The following KNL1 variants were observed in gnomAD, a reference collection of about 807,000 sequenced individuals.
KNL1 encodes the protein kinetochore scaffold 1.
Under a neutral mutation model 201.3 loss-of-function variants are expected in KNL1, and 66 were observed. The ratio of observed to expected loss-of-function variants is 0.33; its 90% CI spans 0.27 to 0.40. The LOEUF is 0.40. Among genes scored for constraint, KNL1 ranks in the 10% least tolerant of loss-of-function variants. KNL1 has a pLI of 1.00. For missense variants in KNL1, 2,815 were observed against 2,690.5 expected (o/e 1.05, Z -1.02); for synonymous variants, 895 against 899.2 (o/e 1.00, Z 0.08).
In KNL1 at chr15:40,624,214, G is replaced by C; in HGVS notation, c.3950G>C (p.Gly1317Ala). ...ATTTCCTGTACTGATAATTTGGAGG[G>C]TAGTGCCATGCTCTTATGTGATAAA... Reference protein sequence around the residue: ...NVISCTDNLEGSAMLLCDKDE... With the variant: ...NVISCTDNLEASAMLLCDKDE... The change falls in exon 10 of 26, where the codon GGT becomes GCT. Residue 1317 changes from glycine to alanine, a missense_variant. Transcript: ENST00000399668. 1 of 1,613,858 alleles carries C rather than the reference G, an allele frequency of 6.2e-7. No individual in the cohort carries two copies. The highest frequency in any genetic ancestry group is 8.5e-7 in the Non-Finnish European group (1 of 1,179,900).
At chr15:40,610,174 A>ACT in intron 5 of KNL1, 71 bp from the exon 6 acceptor site, 2 of 840,920 alleles carry the variant, frequency 2.4e-6, no homozygotes, top group Non-Finnish European at 4.0e-6. Context: ...CTCAACACAG[A>ACT]CTATAAATCA....
Position 40,621,629 on chromosome 15 carries a change from T to A in KNL1, c.1365T>A (p.His455Gln). The change falls in exon 10 of 26, where the codon CAT becomes CAA. Residue 455 changes from histidine to glutamine, a missense_variant. Physicochemically the swap from His to Gln is conservative, Grantham distance 24. Around this residue, in one of 3 missense-constraint regions of KNL1, gnomAD observed 2,464 missense variants for 2,291.7 expected, o/e 1.08. Coordinates refer to ENST00000399668, the MANE Select transcript of KNL1 (RefSeq NM_144508.5). ...NMREEKNLLK[H>Q]DSNYAKMYCN... is the part of the protein sequence containing the mutation. Reference sequence around the variant, plus strand: ...GAGAGGAGAAAAATTTGCTAAAGCATGACAGTAATTATGCTAAAATGTATT... The same window carrying A: ...GAGAGGAGAAAAATTTGCTAAAGCAAGACAGTAATTATGCTAAAATGTATT... The A allele has an allele frequency of 6.2e-7, 1 of 1,612,442 alleles. No homozygotes were observed. Among genetic ancestry groups the A allele is most frequent in the Non-Finnish European group, 8.5e-7 (1 of 1,179,200 alleles).
At chr15:40,640,153 G>A (rs935015881) in intron 13 of KNL1, among the ~76,000 whole-genome samples, 6 of 144,160 alleles carry the variant, frequency 4.2e-5, no homozygotes, top group Admixed American at 3.6e-4. Flanking sequence ...CTGGAGTGCA[G>A]TGGCGCAATC....
rs1427719100 is a variant in KNL1 at position 40,622,052 on chromosome 15, G to A, written c.1788G>A (p.Glu596=). ...VPLAAYNLAP[E]STSESHSQSK... ...TTGCAGCTTATAATCTAGCACCGGA[G>A]AGTACCAGTGAATCTCACTCTCAGA... Residue 596 remains glutamate, a synonymous_variant, in exon 10 of 26, where the codon GAG becomes GAA. Coordinates refer to ENST00000399668, the MANE Select transcript of KNL1 (RefSeq NM_144508.5). 1 of 1,613,966 alleles carries A rather than the reference G, an allele frequency of 6.2e-7. No homozygotes were observed. The highest frequency in any genetic ancestry group is 8.5e-7 in the Non-Finnish European group (1 of 1,179,908).
intron 12 of KNL1, 132 bp downstream of exon 12, chr15:40,628,810 CTACTT>C (rs1892823523): frequency 5.7e-6 from 3 of 526,100 alleles, no homozygotes; most frequent in Admixed American, 3.4e-5. Context: ...ATACAGAAGA[CTACTT>C]TTCTTTGTTA....
rs71104706 is a variant in KNL1, at chr15:40,617,975, T to TAAA, written c.323-947_323-945dup. On this transcript the variant is annotated intron_variant, in intron 8 of 25. Transcript: ENST00000399668. ...CCTGAAATATAAATAAGGCTTTTAGTAAAAAAAAAAAAAAAAAAAAAAAAA... is the reference window on the plus strand; with the variant it reads ...CCTGAAATATAAATAAGGCTTTTAGTAAAAAAAAAAAAAAAAAAAAAAAAAAAA... 1.5e-4 allele frequency among the ~76,000 whole-genome samples: 7 copies of TAAA among 47,214 alleles called. 1 individual carries two copies. Among genetic ancestry groups the TAAA allele is most frequent in the East Asian group, 8.2e-4 (1 of 1,226 alleles). The allele number at this position is 47,214 out of a possible 152,430, so 31.0% of individuals were successfully genotyped here.
intron 20 of KNL1, 59 bp from the exon 21 acceptor site, chr15:40,651,946 G>A (rs866555756): frequency 1.8e-5 from 21 of 1,188,946 alleles, no homozygotes; most frequent in Middle Eastern, 1.9e-4. Flanking sequence ...GGTATCAGAA[G>A]TTCTCTTTTA....
Position 40,628,653 on chromosome 15 carries a change from C to G in KNL1, c.5558C>G (p.Thr1853Ser). 4 of 1,601,160 alleles carry G rather than the reference C, an allele frequency of 2.5e-6. No individual in the cohort carries two copies. In the South Asian group the frequency reaches 4.5e-5, roughly 18 times the overall value. The change falls in exon 12 of 26, where the codon ACT becomes AGT. Residue 1853 changes from threonine to serine, a missense_variant. Physicochemically the swap from Thr to Ser is moderately conservative, Grantham distance 58 (BLOSUM62 1). Coordinates refer to ENST00000399668, the MANE Select transcript of KNL1 (RefSeq NM_144508.5). ...SQMESQFLRD[T>S]ICEESLREKL... ...ATGGAATCACAGTTTCTCAGAGATA[C>G]TATTTGTGAAGAGAGCTTGAGGGAG...
chr15:40,660,853 A>C (rs1893887665), intron 25 of KNL1, among the ~76,000 whole-genome samples: 1 of 151,562 alleles, frequency 6.6e-6, no homozygotes, highest in African/African-American at 2.4e-5. Flanking sequence ...GTCCCAGCTA[A>C]TCTTGAGGCT....
intron 13 of KNL1, among the ~76,000 whole-genome samples, chr15:40,637,175 CT>C (rs35738751): frequency 9.9e-4 from 136 of 137,308 alleles, no homozygotes; most frequent in East Asian, 1.7e-3. Flanking sequence ...TTTTTTCTTT[CT>C]TTTTTTTTTT....
Position 40,621,650 on chromosome 15 carries a change from G to A in KNL1, c.1386G>A (p.Met462Ile), listed in dbSNP as rs778996259. ...LLKHDSNYAKMYCNPDAMSSL... is the reference protein window; with the variant it reads ...LLKHDSNYAKIYCNPDAMSSL... ...AGCATGACAGTAATTATGCTAAAAT[G>A]TATTGCAATCCAGATGCTATGTCTT... The change falls in exon 10 of 26, where the codon ATG (methionine) becomes ATA (isoleucine). Residue 462 changes from methionine to isoleucine, a missense_variant. Physicochemically the swap from Met to Ile is conservative, Grantham distance 10. Transcript: ENST00000399668. 7.4e-6 allele frequency: 12 copies of A among 1,612,740 alleles called. No individual in the cohort carries two copies. In the African/African-American group the frequency reaches 1.2e-4, roughly 16 times the overall value.
chr15:40,655,469 T>C (rs1893695832), intron 22 of KNL1, among the ~76,000 whole-genome samples: 1 of 151,352 alleles, frequency 6.6e-6, no homozygotes, highest in Admixed American at 6.6e-5. Context: ...TGGGTGCCTG[T>C]AATCCCAGCT....
At chr15:40,642,100 A>G (rs1428896648) in intron 14 of KNL1, among the ~76,000 whole-genome samples, 2 of 152,188 alleles carry the variant, frequency 1.3e-5, no homozygotes, top group African/African-American at 2.4e-5. Flanking sequence ...AAATTTTTCA[A>G]AAGAATTATG....
Position 40,647,065 on chromosome 15 carries a change from A to G in KNL1, c.6085A>G (p.Met2029Val). Residue 2029 changes from methionine to valine, a missense_variant, in exon 17 of 26, where the codon ATG (methionine) becomes GTG (valine). Met to Val is a conservative substitution (Grantham distance 21). This residue lies in a region of KNL1 where 334 missense variants were observed against 362.6 expected (regional missense o/e 0.92). Transcript: ENST00000399668. ...LKKIDNCLTE[M>V]ETETKNLEDE... ...GAAGATCGATAACTGCCTCACTGAGATGGAAACAGGTAAAGTATTTTAAAT... is the reference window on the plus strand; with the variant it reads ...GAAGATCGATAACTGCCTCACTGAGGTGGAAACAGGTAAAGTATTTTAAAT... 1.4e-6 allele frequency: 2 copies of G among 1,474,492 alleles called. No homozygotes were observed. The highest frequency in any genetic ancestry group is 9.5e-7 in the Non-Finnish European group (1 of 1,054,050). 91.3% of individuals were successfully genotyped at this position (1,474,492 alleles called of 1,614,324 possible). A position where few individuals can be genotyped will look rare whatever the true frequency, so the allele number is the denominator to read the frequency against.
At chr15:40,657,574 G>T (rs920883625) in intron 24 of KNL1, 101 bp downstream of exon 24, 1 of 649,496 alleles carries the variant, frequency 1.5e-6, no homozygotes, top group Admixed American at 2.6e-5. Context: ...GGTGTAAGCG[G>T]GTGTTATTCT....
Position 40,664,015 on chromosome 15 carries a change from T to C in KNL1, c.*1827T>C, listed in dbSNP as rs1893986215. On this transcript the variant is annotated 3_prime_UTR_variant, in exon 26 of 26. Coordinates refer to ENST00000399668, the MANE Select transcript of KNL1 (RefSeq NM_144508.5). Reference sequence around the variant, plus strand: ...GTTCCGTAAACTCCTTGAAAAACATTTTAAAGTCATCAATATGATCTGTTT... The same window carrying C: ...GTTCCGTAAACTCCTTGAAAAACATCTTAAAGTCATCAATATGATCTGTTT... The C allele has an allele frequency of 5.4e-6, 1 of 184,944 alleles. No homozygotes were observed. The highest frequency in any genetic ancestry group is 2.3e-5 in the African/African-American group (1 of 42,676). The allele number at this position is 184,944 out of a possible 1,614,324, so 11.5% of individuals were successfully genotyped here.
intron 13 of KNL1, among the ~76,000 whole-genome samples, chr15:40,630,932 C>T (rs1347323364): frequency 2.0e-5 from 3 of 151,882 alleles, no homozygotes; most frequent in Non-Finnish European, 2.9e-5. Flanking sequence ...CCAGTCTGGC[C>T]AACATGGCTG....
intron 21 of KNL1, among the ~76,000 whole-genome samples, chr15:40,654,318 A>G (rs2141762659): frequency 6.6e-6 from 1 of 152,244 alleles, no homozygotes; most frequent in East Asian, 1.9e-4. Context: ...TGATTGCTGA[A>G]AATAAAATTA....
intron 24 of KNL1, among the ~76,000 whole-genome samples, chr15:40,658,406 G>A (rs1464864632): frequency 1.3e-5 from 2 of 151,522 alleles, no homozygotes; most frequent in Non-Finnish European, 2.9e-5. Flanking sequence ...GCAGGTGCCT[G>A]TAATCCCAGC....
Sources: gnomAD v4.1 joint callset for allele counts (sites outside exome capture counted in the v4.1 genomes callset) on GRCh38, gnomAD v4.1.1 for gene constraint, gnomAD v4.1.1 regional missense constraint, MANE v1.5 for transcripts, NCBI Gene and HGNC (gene_info 2026-07-23, HGNC 2026-07-21) for gene names.